GLUD1: variants seen among roughly 807,000 people sequenced by gnomAD.
GLUD1 encodes the protein glutamate dehydrogenase 1, mitochondrial.
In GLUD1, 22 loss-of-function variants were observed where a neutral mutation model predicts 56.0. The ratio of observed to expected loss-of-function variants is 0.39; its 90% CI spans 0.28 to 0.56. GLUD1 has a LOEUF of 0.56. Ranked by LOEUF, GLUD1 falls within the 20% of genes least tolerant of loss-of-function variation. The pLI is 0.58. For missense variants in GLUD1, 451 were observed against 732.0 expected (o/e 0.62, Z 4.43); for synonymous variants, 223 against 269.9 (o/e 0.83, Z 1.70).
chr10:87,062,439 C>G (rs1328906020), intron 6 of GLUD1, among the ~76,000 whole-genome samples: 1 of 152,188 alleles, frequency 6.6e-6, no homozygotes, highest in African/African-American at 2.4e-5. Flanking sequence ...AAGTTGGTAA[C>G]AGTTTCACAT....
chr10:87,067,651 AG>A (rs1245231740), intron 5 of GLUD1: 1 of 204,824 alleles, frequency 4.9e-6, no homozygotes, highest in Admixed American at 5.2e-5. Flanking sequence ...TTCAAGGTCT[AG>A]CCCAAATATC....
intron 9 of GLUD1, 97 bp from the exon 10 acceptor site, chr10:87,059,370 G>T: frequency 8.3e-7 from 1 of 1,199,270 alleles, no homozygotes; most frequent in Non-Finnish European, 1.2e-6. Context: ...AAGGTAGACT[G>T]GACTTTAAAT....
At chr10:87,066,515 C>T (rs550651104) in intron 5 of GLUD1, among the ~76,000 whole-genome samples, 1 of 152,302 alleles carries the variant, frequency 6.6e-6, no homozygotes, top group African/African-American at 2.4e-5. Context: ...CCCAAGTTCA[C>T]CCAGCTTCTG....
intron 1 of GLUD1, among the ~76,000 whole-genome samples, chr10:87,093,341 A>G (rs1234742603): frequency 1.3e-5 from 2 of 152,160 alleles, no homozygotes; most frequent in African/African-American, 4.8e-5. Flanking sequence ...TTTTTACAGT[A>G]GACAAAAGTG....
intron 1 of GLUD1, among the ~76,000 whole-genome samples, chr10:87,091,245 G>C (rs974381228): frequency 1.8e-4 from 3 of 16,456 alleles, no homozygotes; most frequent in Non-Finnish European, 3.0e-4. Context: ...AAGACAACTG[G>C]GGGGGGGCAG....
At chr10:87,081,801 CAA>C (rs1458877514) in intron 1 of GLUD1, among the ~76,000 whole-genome samples, 1 of 149,070 alleles carries the variant, frequency 6.7e-6, no homozygotes, top group African/African-American at 2.5e-5. Flanking sequence ...CCCAGGGACA[CAA>C]ACACTGCGGA....
intron 1 of GLUD1, among the ~76,000 whole-genome samples, chr10:87,081,087 C>T (rs1204977429): frequency 6.8e-6 from 1 of 147,846 alleles, no homozygotes. Flanking sequence ...GCCCCCCGCC[C>T]GGCCAGCCGC....
At chr10:87,092,570 A>C (rs955937637) in intron 1 of GLUD1, 2 of 925,172 alleles carry the variant, frequency 2.2e-6, no homozygotes, top group Non-Finnish European at 2.6e-6. Flanking sequence ...CAACAAGAGA[A>C]AGAGGACTCA....
rs574157568 is a variant in GLUD1 at position 87,051,800 on chromosome 10, A to G, written c.1628T>C (p.Ile543Thr). The G allele has an allele frequency of 6.2e-7, 1 of 1,613,616 alleles. No homozygotes were observed. Among genetic ancestry groups the G allele is most frequent in the Admixed American group, 1.7e-5 (1 of 60,028 alleles). The change falls in exon 13 of 13, where the codon ATT becomes ACT. Residue 543 changes from isoleucine to threonine, a missense_variant. Physicochemically the swap from Ile to Thr is moderately conservative, Grantham distance 89. This residue lies in a region of GLUD1 where 43 missense variants were observed against 61.6 expected (regional missense o/e 0.70). Transcript: ENST00000277865. ...DLRTAAYVNA[I>T]EKVFKVYNEA... ...ATTGTACACTTTGAAGACTTTCTCA[A>G]TGGCATTAACATAGGCAGCTGTTCT...
intron 10 of GLUD1, among the ~76,000 whole-genome samples, 196 bp downstream of exon 10, chr10:87,058,954 G>GATACAAT (rs1464889852): frequency 1.3e-5 from 2 of 152,132 alleles, no homozygotes; most frequent in African/African-American, 2.4e-5. Context: ...TAAAACTCTG[G>GATACAAT]ATATAATATA....
rs1269589108 is a variant in GLUD1 at position 87,051,211 on chromosome 10, AAAG to A, written c.*537_*539del. 1.1e-5 allele frequency: 2 copies of A among 182,678 alleles called. No individual in the cohort carries two copies. The highest frequency in any genetic ancestry group is 4.8e-5 in the African/African-American group (2 of 41,774). 11.3% of individuals were successfully genotyped at this position (182,678 alleles called of 1,614,324 possible). A position where few individuals can be genotyped will look rare whatever the true frequency, so the allele number is the denominator to read the frequency against. On this transcript the variant is annotated 3_prime_UTR_variant, in exon 13 of 13. Transcript: ENST00000277865. ...AGCAGCATGTACTTATTCTATTCTA[AAAG>A]AATAATATTCATAAACAGAAACAGG...
chr10:87,065,993 T>C (rs984297728), intron 5 of GLUD1, among the ~76,000 whole-genome samples: 6 of 152,034 alleles, frequency 3.9e-5, no homozygotes, highest in African/African-American at 1.2e-4. Context: ...CTTCCTCTTC[T>C]CCAAGGCCCA....
chr10:87,070,230 A>C (rs1438231720), intron 4 of GLUD1, among the ~76,000 whole-genome samples: 1 of 152,202 alleles, frequency 6.6e-6, no homozygotes, highest in Non-Finnish European at 1.5e-5. Flanking sequence ...AGGCAGGAGG[A>C]TGGCTTGAGT....
intron 1 of GLUD1, among the ~76,000 whole-genome samples, chr10:87,080,787 A>G (rs1403920015): frequency 7.0e-6 from 1 of 142,438 alleles, no homozygotes; most frequent in African/African-American, 2.7e-5. Flanking sequence ...CCTGGCAGCC[A>G]CCCCATCTGG....
chr10:87,086,845 A>G (rs979283025), intron 1 of GLUD1, among the ~76,000 whole-genome samples: 7 of 152,002 alleles, frequency 4.6e-5, no homozygotes, highest in African/African-American at 7.2e-5. Context: ...AAAAAAAAAA[A>G]AAAAAAGGAA....
At chr10:87,059,305 A>G (rs772331471) in intron 9 of GLUD1, 32 bp from the exon 10 acceptor site, 5 of 1,610,450 alleles carry the variant, frequency 3.1e-6, no homozygotes, top group Non-Finnish European at 4.2e-6. Context: ...AGAAATTAGA[A>G]GATGATGGTT....
intron 3 of GLUD1, 33 bp from the exon 4 acceptor site, chr10:87,074,647 A>T (rs757461326): frequency 2.3e-5 from 28 of 1,235,282 alleles, no homozygotes; most frequent in Non-Finnish European, 2.6e-5. Context: ...CAAAAGAAAA[A>T]ATTGATATAA....
intron 1 of GLUD1, among the ~76,000 whole-genome samples, chr10:87,087,185 A>T (rs985751419): frequency 2.6e-5 from 4 of 152,206 alleles, no homozygotes; most frequent in African/African-American, 9.6e-5. Context: ...TATGTAAAGG[A>T]TACAAATCAA....
chr10:87,068,854 A>G (rs1846146004), intron 4 of GLUD1, among the ~76,000 whole-genome samples: 1 of 151,916 alleles, frequency 6.6e-6, no homozygotes, highest in East Asian at 1.9e-4. Context: ...CGGCTACAGT[A>G]AGATCTCTGA....
Sources: gnomAD v4.1 joint callset for allele counts (sites outside exome capture counted in the v4.1 genomes callset) on GRCh38, gnomAD v4.1.1 for gene constraint, gnomAD v4.1.1 regional missense constraint, MANE v1.5 for transcripts, NCBI Gene and HGNC (gene_info 2026-07-23, HGNC 2026-07-21) for gene names.